The following TTBK2 variants were observed in gnomAD, a reference collection of about 807,000 sequenced individuals.
TTBK2 encodes the protein tau-tubulin kinase 2.
A neutral mutation model predicts 110.8 loss-of-function variants in TTBK2; 28 were observed. The ratio of observed to expected loss-of-function variants is 0.25; its 90% CI spans 0.19 to 0.35. The LOEUF (loss-of-function observed/expected upper bound fraction) is 0.35. TTBK2 is among the 10% of genes least tolerant of loss of function. TTBK2 has a pLI of 1.00. For synonymous variants in TTBK2, 532 were observed against 527.3 expected, an observed-to-expected ratio of 1.01 and a Z score of -0.12; for missense variants, 1,369 against 1,500.3, an observed-to-expected ratio of 0.91 and a Z score of 1.45.
intron 9 of TTBK2, among the ~76,000 whole-genome samples, chr15:42,807,415 T>C (rs1358104927): frequency 6.6e-6 from 1 of 151,952 alleles, no homozygotes; most frequent in Non-Finnish European, 1.5e-5. Context: ...ATTATTATTA[T>C]TATTATTATT....
chr15:42,914,212 G>A (rs969823256), intron 1 of TTBK2, among the ~76,000 whole-genome samples: 1 of 151,966 alleles, frequency 6.6e-6, no homozygotes, highest in East Asian at 1.9e-4. Context: ...TCATGACCTC[G>A]TGATCTGCCC....
At position 42,756,865 on chromosome 15, in the gene TTBK2, C is replaced by CAAA. The variant is rs200664379; in HGVS notation, c.1999-3621_1999-3619dup. Among the ~76,000 whole-genome samples, 5 of 149,456 alleles carry CAAA rather than the reference C, an allele frequency of 3.3e-5. No homozygotes were observed. The East Asian group carries it at 5.9e-4, about 18-fold the overall frequency. On this transcript the variant is annotated intron_variant, in intron 13 of 14. Transcript: ENST00000267890. ...TGGGCAACATAGCAATACCCCACCT[C>CAAA]AAAAAAAACAAAAACAAAAACAAAA...
intron 4 of TTBK2, among the ~76,000 whole-genome samples, chr15:42,837,250 C>T (rs772802459): frequency 3.3e-5 from 5 of 151,382 alleles, no homozygotes; most frequent in Admixed American, 6.6e-5. Flanking sequence ...CCCAGCTACA[C>T]CGGAGGCTGA....
chr15:42,833,559 T>C (rs528746753), intron 4 of TTBK2, among the ~76,000 whole-genome samples: 2 of 152,274 alleles, frequency 1.3e-5, no homozygotes, highest in East Asian at 1.9e-4. Flanking sequence ...ATTCTAACCA[T>C]ATAATTTCAT....
chr15:42,753,228 G>A lies in TTBK2; in HGVS notation c.2018C>T (p.Ser673Phe), dbSNP rs1386768853. 1.9e-6 allele frequency: 3 copies of A among 1,613,960 alleles called. No homozygotes were observed. The highest frequency in any genetic ancestry group is 3.3e-5 in the Admixed American group (2 of 59,990). Residue 673 changes from serine to phenylalanine, a missense_variant, in exon 14 of 15, where the codon TCT becomes TTT. Ser to Phe is a radical substitution (Grantham distance 155, BLOSUM62 -2). Around this residue, in one of 4 missense-constraint regions of TTBK2, gnomAD observed 1,097 missense variants for 1,114.7 expected, o/e 0.98. Transcript: ENST00000267890. The part of the protein sequence containing the change: ...PLTAITIPRP[S>F]VASTQSTSGS... Reference sequence around the variant, plus strand: ...TGAAGTTGACTGTGTAGATGCCACAGAAGGTCTAGGAATTGTAATCTGGAG... The same window carrying A: ...TGAAGTTGACTGTGTAGATGCCACAAAAGGTCTAGGAATTGTAATCTGGAG...
chr15:42,821,144 C>T (rs937298153), intron 6 of TTBK2, among the ~76,000 whole-genome samples: 6 of 152,054 alleles, frequency 3.9e-5, no homozygotes, highest in Admixed American at 1.3e-4. Context: ...GTATATCATG[C>T]TACCTTTTGA....
At chr15:42,847,408 A>C (rs769275440) in intron 3 of TTBK2, among the ~76,000 whole-genome samples, 52 of 152,170 alleles carry the variant, frequency 3.4e-4, no homozygotes, top group Non-Finnish European at 2.9e-4. Context: ...GTCTTTTGGA[A>C]GCAAAGTTTT....
At chr15:42,780,253 G>A (rs557347558) in intron 11 of TTBK2, among the ~76,000 whole-genome samples, 9 of 138,312 alleles carry the variant, frequency 6.5e-5, no homozygotes, top group Non-Finnish European at 1.1e-4. Context: ...GACTGGTCTC[G>A]AACTCCTGGG....
chr15:42,902,771 T>C (rs564480044), intron 1 of TTBK2, among the ~76,000 whole-genome samples: 4 of 152,054 alleles, frequency 2.6e-5, no homozygotes, highest in East Asian at 1.9e-4. Flanking sequence ...GGTGGGAGAA[T>C]TGCTTGAGCT....
chr15:42,821,686 GT>G (rs869135370), intron 6 of TTBK2, among the ~76,000 whole-genome samples: 7 of 122,986 alleles, frequency 5.7e-5, no homozygotes, highest in Non-Finnish European at 8.1e-5. Context: ...TTTGTTTTTT[GT>G]TTTTTTTTTG....
intron 9 of TTBK2, among the ~76,000 whole-genome samples, chr15:42,798,792 A>G (rs1891052977): frequency 6.6e-6 from 1 of 152,184 alleles, no homozygotes; most frequent in Non-Finnish European, 1.5e-5. Flanking sequence ...ATCTTCGGGA[A>G]AGTGAATCTT....
chr15:42,805,808 A>G (rs1210318699), intron 9 of TTBK2, among the ~76,000 whole-genome samples: 1 of 152,166 alleles, frequency 6.6e-6, no homozygotes, highest in East Asian at 1.9e-4. Flanking sequence ...CATCATCCAC[A>G]CTATACCCTT....
At chr15:42,751,417 C>T (rs1595875878) in intron 14 of TTBK2, among the ~76,000 whole-genome samples, 1 of 152,196 alleles carries the variant, frequency 6.6e-6, no homozygotes, top group Non-Finnish European at 1.5e-5. Flanking sequence ...AATGTACTTA[C>T]TACCACTGAA....
chr15:42,814,210 C>T (rs1165515789), intron 7 of TTBK2, among the ~76,000 whole-genome samples: 1 of 151,924 alleles, frequency 6.6e-6, no homozygotes, highest in African/African-American at 2.4e-5. Flanking sequence ...TTAGTAGAGA[C>T]GGGGTTTTAC....
At position 42,740,396 on chromosome 15, in the gene TTBK2, G is replaced by C. The variant is rs2061742578; in HGVS notation, c.*5399C>G. ...GTCTTGAGATTGTGTGGAAATTCAA[G>C]GTGACCTGATCTTGTCACATACTTT... On this transcript the variant is annotated 3_prime_UTR_variant, in exon 15 of 15. Transcript: ENST00000267890. 2.0e-5 allele frequency: 3 copies of C among 152,124 alleles called. No individual in the cohort carries two copies. Among genetic ancestry groups the C allele is most frequent in the Admixed American group, 1.3e-4 (2 of 15,290 alleles). The allele number at this position is 152,124 out of a possible 1,614,324, so 9.4% of individuals were successfully genotyped here.
At chr15:42,789,941 T>C (rs756538826) in intron 10 of TTBK2, among the ~76,000 whole-genome samples, 4 of 151,950 alleles carry the variant, frequency 2.6e-5, no homozygotes, top group African/African-American at 4.8e-5. Flanking sequence ...ATCTCGGCTA[T>C]GGTAAATACT....
At chr15:42,911,786 A>T (rs1344620596) in intron 1 of TTBK2, among the ~76,000 whole-genome samples, 1 of 152,218 alleles carries the variant, frequency 6.6e-6, no homozygotes, top group Non-Finnish European at 1.5e-5. Context: ...CTAAGGAGGT[A>T]TGCAAAGGCA....
At chr15:42,817,593 A>G (rs1303677017) in intron 6 of TTBK2, among the ~76,000 whole-genome samples, 2 of 152,228 alleles carry the variant, frequency 1.3e-5, no homozygotes, top group Non-Finnish European at 2.9e-5. Flanking sequence ...TATGCAATTC[A>G]TGTATTAAAA....
intron 11 of TTBK2, among the ~76,000 whole-genome samples, chr15:42,780,189 CTTT>C (rs892670301): frequency 2.0e-5 from 2 of 100,792 alleles, no homozygotes; most frequent in African/African-American, 4.3e-5. Context: ...GCCCGGCTAA[CTTT>C]TTTTTTTTTT....
Sources: gnomAD v4.1 joint callset for allele counts (sites outside exome capture counted in the v4.1 genomes callset) on GRCh38, gnomAD v4.1.1 for gene constraint, gnomAD v4.1.1 regional missense constraint, MANE v1.5 for transcripts, NCBI Gene and HGNC (gene_info 2026-07-23, HGNC 2026-07-21) for gene names.